The following ZNF518A variants were observed in gnomAD, a reference collection of about 807,000 sequenced individuals.
ZNF518A encodes zinc finger protein 518.
In ZNF518A, 47 loss-of-function variants were observed where a neutral mutation model predicts 102.7. That is an observed-to-expected ratio of 0.46 (90% confidence interval 0.36 to 0.58). The LOEUF is 0.58. Among genes scored for constraint, ZNF518A ranks in the 20% least tolerant of loss-of-function variants. The pLI is 0.00. For synonymous variants in ZNF518A, 652 were observed against 594.6 expected (o/e 1.10, Z -1.40); for missense variants, 1,793 against 1,699.8 (o/e 1.05, Z -0.96).
chr10:96,135,602 C>G (rs1182855640), intron 3 of ZNF518A, among the ~76,000 whole-genome samples: 1 of 152,222 alleles, frequency 6.6e-6, no homozygotes, highest in African/African-American at 2.4e-5. Context: ...GTATGTGCAA[C>G]TGCCTGGATA....
intron 3 of ZNF518A, among the ~76,000 whole-genome samples, chr10:96,146,536 A>G (rs1554878596): frequency 2.0e-5 from 3 of 152,160 alleles, no homozygotes; most frequent in South Asian, 4.1e-4. Flanking sequence ...GAAGTTGGGC[A>G]TGTTTTCACT....
chr10:96,176,218 A>G (rs1380578131), intron 1 of ZNF518A, among the ~76,000 whole-genome samples: 2 of 152,030 alleles, frequency 1.3e-5, no homozygotes, highest in South Asian at 4.1e-4. Flanking sequence ...GTGAGCCACT[A>G]CACTCAGCCT....
intron 1 of ZNF518A, among the ~76,000 whole-genome samples, chr10:96,198,288 C>A (rs182362987): frequency 2.2e-4 from 33 of 152,124 alleles, no homozygotes; most frequent in Non-Finnish European, 1.5e-4. Flanking sequence ...CAAAAAAGAT[C>A]CAAAACGCAT....
At chr10:96,135,750 A>G (rs587716699) in intron 3 of ZNF518A, among the ~76,000 whole-genome samples, 1 of 152,370 alleles carries the variant, frequency 6.6e-6, no homozygotes, top group African/African-American at 2.4e-5. Flanking sequence ...TGTAAGAACA[A>G]GAAGAATTCC....
At chr10:96,171,529 TTAAAG>T (rs2083173374) in intron 1 of ZNF518A, among the ~76,000 whole-genome samples, 1 of 152,102 alleles carries the variant, frequency 6.6e-6, no homozygotes, top group South Asian at 2.1e-4. Context: ...CTAAAGGTGT[TTAAAG>T]GAAATACAGA....
At chr10:96,179,753 ATTC>A (rs58052521) in intron 1 of ZNF518A, among the ~76,000 whole-genome samples, 17,445 of 150,278 alleles carry the variant, frequency 0.12, 2,085 homozygotes, top group African/African-American at 0.31. Context: ...ATCTTTTACA[ATTC>A]TTCTTCTTCT....
downstream of ZNF518A, among the ~76,000 whole-genome samples, chr10:96,168,061 A>G (rs781856796): frequency 2.6e-5 from 4 of 152,220 alleles, no homozygotes; most frequent in Non-Finnish European, 2.9e-5. Flanking sequence ...GTCCATCAAC[A>G]TAGTTTTATA....
intron 3 of ZNF518A, among the ~76,000 whole-genome samples, chr10:96,139,107 A>G (rs782025724): frequency 6.6e-6 from 1 of 152,028 alleles, no homozygotes; most frequent in Non-Finnish European, 1.5e-5. Flanking sequence ...CTGAGATAGG[A>G]TGGATAGGAA....
chr10:96,158,628 C>T lies in ZNF518A; in HGVS notation c.2306C>T (p.Ser769Phe), dbSNP rs782111882. Residue 769 changes from serine (S) to phenylalanine (F), a missense_variant, in exon 6 of 6, where the codon TCT becomes TTT. Physicochemically the swap from Ser to Phe is radical, Grantham distance 155. Transcript: ENST00000316045. ...PMMPRITSVF[S>F]LQSQQASEFL... Reference sequence around the variant, plus strand: ...ATGCCTAGAATCACATCTGTTTTCTCTCTCCAGAGCCAACAGGCATCAGAA... The same window carrying T: ...ATGCCTAGAATCACATCTGTTTTCTTTCTCCAGAGCCAACAGGCATCAGAA... The T allele has an allele frequency of 1.2e-6, 2 of 1,613,340 alleles. No homozygotes were observed. Among genetic ancestry groups the T allele is most frequent in the South Asian group, 1.1e-5 (1 of 91,022 alleles).
At chr10:96,182,042 A>G (rs1248398625) in intron 1 of ZNF518A, among the ~76,000 whole-genome samples, 1 of 152,168 alleles carries the variant, frequency 6.6e-6, no homozygotes. Context: ...CTCCTTGAAG[A>G]GGTCCTTCAC....
intron 1 of ZNF518A, among the ~76,000 whole-genome samples, chr10:96,178,006 G>A (rs1232921358): frequency 1.3e-5 from 2 of 152,048 alleles, no homozygotes; most frequent in Non-Finnish European, 2.9e-5. Context: ...GAGAGAAATT[G>A]ACAAATCTAC....
intron 3 of ZNF518A, among the ~76,000 whole-genome samples, chr10:96,152,145 A>G (rs745317915): frequency 2.6e-5 from 4 of 152,156 alleles, no homozygotes; most frequent in South Asian, 2.1e-4. Flanking sequence ...AACCTCATCT[A>G]TGCAGAAAAA....
At chr10:96,142,356 T>TGTGTGTGTG in intron 3 of ZNF518A, among the ~76,000 whole-genome samples, 1 of 128,050 alleles carries the variant, frequency 7.8e-6, no homozygotes, top group Non-Finnish European at 1.7e-5. Flanking sequence ...GTGTGTGTGT[T>TGTGTGTGTG]TCTAGATTCC....
intron 3 of ZNF518A, among the ~76,000 whole-genome samples, chr10:96,136,658 TA>T (rs138883279): frequency 2.3e-4 from 35 of 150,904 alleles, no homozygotes; most frequent in African/African-American, 7.5e-4. Context: ...CATCTCTATT[TA>T]AAAAAAAATG....
chr10:96,139,116 A>G (rs782074250), intron 3 of ZNF518A, among the ~76,000 whole-genome samples: 11 of 152,024 alleles, frequency 7.2e-5, no homozygotes, highest in Non-Finnish European at 1.0e-4. Context: ...GATGGATAGG[A>G]AGAATATTTG....
At chr10:96,182,589 C>T (rs980735751) in intron 1 of ZNF518A, among the ~76,000 whole-genome samples, 5 of 152,180 alleles carry the variant, frequency 3.3e-5, no homozygotes, top group African/African-American at 9.6e-5. Context: ...TTGAGGTAAT[C>T]GTGTGATTTT....
chr10:96,164,228 C>T (rs1437205692), downstream of ZNF518A, among the ~76,000 whole-genome samples: 2 of 152,224 alleles, frequency 1.3e-5, no homozygotes, highest in Non-Finnish European at 2.9e-5. Flanking sequence ...TTCCATACAG[C>T]TTATCTTGAT....
intron 2 of ZNF518A, among the ~76,000 whole-genome samples, chr10:96,133,064 A>G (rs1274046735): frequency 6.6e-6 from 1 of 152,092 alleles, no homozygotes; most frequent in Non-Finnish European, 1.5e-5. Flanking sequence ...ATACTTAAAC[A>G]TGAGTTTTCA....
In ZNF518A at chr10:96,175,930, CCTTCCTTT is replaced by C. The variant is rs1226338906; in HGVS notation, n.35+19887_35+19894del. 7.3e-3 allele frequency among the ~76,000 whole-genome samples: 803 copies of C among 109,304 alleles called. 70 individuals are homozygous for C. The East Asian group carries it at 0.14, about 20-fold the overall frequency. 71.7% of individuals were successfully genotyped at this position (109,304 alleles called of 152,430 possible). ...TCCTTCCTTCCTTCCTTCCTTCCTT[CCTTCCTTT>C]CTTTCCTCCTTCCTTTCTTTTGTTT... On this transcript the variant is annotated intron_variant and non_coding_transcript_variant, in intron 1 of 2. Transcript: ENST00000442635.
Sources: gnomAD v4.1 joint callset for allele counts (sites outside exome capture counted in the v4.1 genomes callset) on GRCh38, gnomAD v4.1.1 for gene constraint, MANE v1.5 for transcripts, NCBI Gene and HGNC (gene_info 2026-07-23, HGNC 2026-07-21) for gene names.